GOT2: variants seen among roughly 807,000 people sequenced by gnomAD.
The protein encoded by GOT2 is aspartate aminotransferase, mitochondrial.
In GOT2, 17 loss-of-function variants were observed where a neutral mutation model predicts 50.0. The ratio of observed to expected loss-of-function variants is 0.34; its 90% CI spans 0.23 to 0.51. GOT2 has a LOEUF of 0.51. Ranked by LOEUF, GOT2 falls within the 20% of genes least tolerant of loss-of-function variation. The pLI is 0.97. For synonymous variants in GOT2, 172 were observed against 204.9 expected (o/e 0.84, Z 1.37); for missense variants, 430 against 559.6 (o/e 0.77, Z 2.34).
intron 3 of GOT2, among the ~76,000 whole-genome samples, chr16:58,719,845 C>G (rs1379685517): frequency 2.0e-5 from 3 of 152,282 alleles, no homozygotes; most frequent in Admixed American, 2.0e-4. Context: ...GAATGACTCT[C>G]TAAACATCAA....
At chr16:58,728,175 T>G (rs1333842907) in intron 1 of GOT2, among the ~76,000 whole-genome samples, 1 of 152,210 alleles carries the variant, frequency 6.6e-6, no homozygotes, top group African/African-American at 2.4e-5. Flanking sequence ...TATTTCCAGT[T>G]TTTTGGATTT....
chr16:58,711,016 T>TACTAAG (rs2044643642), intron 8 of GOT2, among the ~76,000 whole-genome samples: 1 of 142,172 alleles, frequency 7.0e-6, no homozygotes, highest in African/African-American at 2.6e-5. Context: ...CTCTAAAACC[T>TACTAAG]ACTAAGATTA....
chr16:58,711,892 A>T (rs947478688), intron 8 of GOT2, among the ~76,000 whole-genome samples: 2 of 152,138 alleles, frequency 1.3e-5, no homozygotes, highest in East Asian at 3.9e-4. Context: ...GACTTCTTAC[A>T]GTATCAACCA....
chr16:58,724,285 CT>C (rs56178822), intron 1 of GOT2, among the ~76,000 whole-genome samples: 2,324 of 139,130 alleles, frequency 0.017, 25 homozygotes, highest in African/African-American at 0.04. Context: ...TTCTGACAAA[CT>C]TTTTTTTTTT....
At chr16:58,730,917 A>C (rs988150916) in intron 1 of GOT2, among the ~76,000 whole-genome samples, 4 of 152,226 alleles carry the variant, frequency 2.6e-5, no homozygotes, top group African/African-American at 9.6e-5. Flanking sequence ...AACATTGAGC[A>C]ATATTGACTG....
At chr16:58,717,896 G>T (rs1381169127) in intron 6 of GOT2, among the ~76,000 whole-genome samples, 1 of 152,114 alleles carries the variant, frequency 6.6e-6, no homozygotes, top group Admixed American at 6.6e-5. Context: ...CACCATGTTG[G>T]CCAGGCTGGT....
intron 1 of GOT2, among the ~76,000 whole-genome samples, chr16:58,731,371 C>T (rs1376744188): frequency 3.3e-5 from 5 of 152,114 alleles, no homozygotes; most frequent in Admixed American, 2.6e-4. Context: ...CTAGAACTCC[C>T]GAGCTCAAGC....
intron 1 of GOT2, among the ~76,000 whole-genome samples, chr16:58,726,017 G>A (rs1394445906): frequency 6.6e-6 from 1 of 152,158 alleles, no homozygotes; most frequent in Non-Finnish European, 1.5e-5. Context: ...TAGAAAAACT[G>A]AGCAGCTTGT....
chr16:58,708,324 TC>T (rs750974425), intron 9 of GOT2, 31 bp from the exon 10 acceptor site: 250 of 1,609,402 alleles, frequency 1.6e-4, no homozygotes, highest in Non-Finnish European at 1.7e-4. Flanking sequence ...GGGTACCTCT[TC>T]CCGGTACAGG....
In GOT2 at chr16:58,718,886, C is replaced by T. The variant is rs1036213606; in HGVS notation, c.436-198G>A. 2.6e-5 allele frequency among the ~76,000 whole-genome samples: 4 copies of T among 152,318 alleles called. No individual in the cohort carries two copies. The East Asian group carries it at 5.8e-4, about 22-fold the overall frequency. ...TTATACTGGCCATGTAGCCAAGGAC[C>T]TTTCTGGGTCTTGCTTTCTTCACTT... On this transcript the variant is annotated intron_variant, in intron 4 of 9. Coordinates refer to ENST00000245206, the MANE Select transcript of GOT2 (RefSeq NM_002080.4).
chr16:58,727,009 C>T (rs1017548103), intron 1 of GOT2, among the ~76,000 whole-genome samples: 38 of 152,124 alleles, frequency 2.5e-4, no homozygotes, highest in African/African-American at 8.9e-4. Context: ...CAAAAATTAT[C>T]TAGGCAAGGT....
At chr16:58,715,269 T>G (rs1423782014) in intron 8 of GOT2, among the ~76,000 whole-genome samples, 5 of 152,162 alleles carry the variant, frequency 3.3e-5, no homozygotes, top group Non-Finnish European at 7.4e-5. Context: ...TTTAAGGAAG[T>G]TTTCCTATGT....
At chr16:58,730,025 A>G (rs1236694796) in intron 1 of GOT2, among the ~76,000 whole-genome samples, 4 of 152,204 alleles carry the variant, frequency 2.6e-5, no homozygotes, top group Non-Finnish European at 4.4e-5. Context: ...AAAACTATGT[A>G]TCTATTGCTT....
chr16:58,709,666 T>C, intron 8 of GOT2, 99 bp from the exon 9 acceptor site: 3 of 955,180 alleles, frequency 3.1e-6, no homozygotes, highest in Non-Finnish European at 3.1e-6. Flanking sequence ...TCCCCTAGTG[T>C]GCCTCAATTC....
In GOT2 at chr16:58,722,316, C is replaced by T. The variant is rs73550804; in HGVS notation, c.247-38G>A. ...AAATACATCCATTGAATTTCTTCTC[C>T]TTACTTGGAATTACTATGATTAATG... On this transcript the variant is annotated intron_variant, in intron 2 of 9. Coordinates refer to ENST00000245206, the MANE Select transcript of GOT2 (RefSeq NM_002080.4). 1,240 of 1,598,784 alleles carry T rather than the reference C, an allele frequency of 7.8e-4. 7 individuals carry two copies. In the African/African-American group the frequency reaches 0.015, roughly 19 times the overall value.
intron 8 of GOT2, among the ~76,000 whole-genome samples, chr16:58,712,112 A>C (rs180676834): frequency 1.1e-4 from 16 of 151,706 alleles, no homozygotes; most frequent in Admixed American, 1.1e-3. Context: ...TCCCCTCTTT[A>C]ATGCACAGCT....
chr16:58,725,209 G>A (rs1303901405), intron 1 of GOT2, among the ~76,000 whole-genome samples: 1 of 151,512 alleles, frequency 6.6e-6, no homozygotes, highest in African/African-American at 2.4e-5. Flanking sequence ...CCGCCTCCTG[G>A]GTTCAAGTGA....
In GOT2 at chr16:58,707,166, C is replaced by A. The variant is rs925665849; in HGVS notation, c.*1005G>T. ...AGTAATTTTATTGTAACAGAGAAAC[C>A]AGGCCGCAATAAGTCTACATGGTTA... is the stretch of plus-strand genomic sequence containing the variant. On this transcript the variant is annotated 3_prime_UTR_variant, in exon 10 of 10. Coordinates refer to ENST00000245206, the MANE Select transcript of GOT2 (RefSeq NM_002080.4). 2 of 152,050 alleles carry A rather than the reference C, an allele frequency of 1.3e-5. No homozygotes were observed. Among genetic ancestry groups the A allele is most frequent in the African/African-American group, 4.8e-5 (2 of 41,398 alleles). 9.4% of individuals were successfully genotyped at this position (152,050 alleles called of 1,614,324 possible). A position where few individuals can be genotyped will look rare whatever the true frequency, so the allele number is the denominator to read the frequency against.
At position 58,708,168 on chromosome 16, in the gene GOT2, A is replaced by G. The variant is rs1166214614; in HGVS notation, c.*3T>C. 6.2e-7 allele frequency: 1 copy of G among 1,613,782 alleles called. No individual in the cohort carries two copies. The highest frequency in any genetic ancestry group is 8.5e-7 in the Non-Finnish European group (1 of 1,179,876). On this transcript the variant is annotated 3_prime_UTR_variant, in exon 10 of 10. Coordinates refer to ENST00000245206, the MANE Select transcript of GOT2 (RefSeq NM_002080.4). ...TTGTCTCTGTTTCCTCGCACCAGGG[A>G]CATTACTTGGTGACCTGGTGAATGG...
Sources: allele counts gnomAD v4.1 joint callset (sites outside exome capture counted in the v4.1 genomes callset), GRCh38; gene constraint gnomAD v4.1.1; transcripts MANE v1.5; gene names NCBI Gene and HGNC (gene_info 2026-07-23, HGNC 2026-07-21).